The following SEPTIN4 variants were observed in gnomAD, a reference collection of about 807,000 sequenced individuals.
SEPTIN4 encodes septin-4.
Under a neutral mutation model 107.1 loss-of-function variants are expected in SEPTIN4, and 52 were observed. That is an observed-to-expected ratio of 0.49 (90% CI 0.39 to 0.61). SEPTIN4 has a LOEUF of 0.61. SEPTIN4 is among the 20% of genes least tolerant of loss of function. The pLI, the probability that SEPTIN4 is intolerant of heterozygous loss-of-function variation, is 0.00. For synonymous variants in SEPTIN4, 417 were observed against 467.0 expected (o/e 0.89, Z 1.38); for missense variants, 1,048 against 1,243.5 (o/e 0.84, Z 2.36).
At chr17:58,527,171 C>T (rs911706832) in intron 3 of SEPTIN4, 193 bp from the exon 4 acceptor site, 9 of 998,768 alleles carry the variant, frequency 9.0e-6, no homozygotes, top group Admixed American at 1.7e-5. Context: ...CACAAGCCTC[C>T]CCAATCCAAT....
intron 3 of SEPTIN4, among the ~76,000 whole-genome samples, chr17:58,536,830 A>G (rs1002508206): frequency 6.6e-6 from 1 of 152,302 alleles, no homozygotes; most frequent in African/African-American, 2.4e-5. Flanking sequence ...CTGGCTGAGC[A>G]CCTGTCAGGG....
At chr17:58,535,728 C>T (rs772487213) in intron 3 of SEPTIN4, among the ~76,000 whole-genome samples, 29 of 152,232 alleles carry the variant, frequency 1.9e-4, no homozygotes, top group Non-Finnish European at 4.1e-4. Flanking sequence ...ACCACAAGCT[C>T]CTCAAGGGCA....
chr17:58,535,767 C>T (rs2066682528), intron 3 of SEPTIN4, among the ~76,000 whole-genome samples: 1 of 152,236 alleles, frequency 6.6e-6, no homozygotes. Flanking sequence ...TTAACCTCTG[C>T]TCACTTCAAA....
chr17:58,530,925 G>A (rs1256592763), intron 3 of SEPTIN4: 1 of 152,286 alleles, frequency 6.6e-6, no homozygotes, highest in Non-Finnish European at 1.5e-5. Flanking sequence ...CTGATCCCAG[G>A]GGGCCCAGGG....
Position 58,521,954 on chromosome 17 carries a change from G to T in SEPTIN4, c.2351+13C>A. On this transcript the variant is annotated intron_variant, in intron 8 of 13. Coordinates refer to ENST00000672673, the MANE Select transcript of SEPTIN4 (RefSeq NM_001368771.2). This position sits in a 1 kb window ranked among gnomAD's most constrained non-coding sequence, Gnocchi z 6.4. ...CACCCGGTGGTGCCAGGAGCCTCAG[G>T]CTTGGACCATACCCATGGCCGAAGG... 1 of 1,614,220 alleles carries T rather than the reference G, an allele frequency of 6.2e-7. No individual in the cohort carries two copies. The highest frequency in any genetic ancestry group is 8.5e-7 in the Non-Finnish European group (1 of 1,180,052).
chr17:58,526,184 C>T, intron 5 of SEPTIN4, 36 bp downstream of exon 5: 17 of 1,544,064 alleles, frequency 1.1e-5, no homozygotes, highest in Non-Finnish European at 1.5e-5. Flanking sequence ...CCACCTGAAA[C>T]ACACCCTGCC....
intron 3 of SEPTIN4, chr17:58,527,794 A>G: frequency 1.0e-6 from 1 of 972,952 alleles, no homozygotes; most frequent in South Asian, 4.7e-5. Context: ...TGAGGGACAT[A>G]TAAGGGGAAG....
At position 58,538,638 on chromosome 17, in the gene SEPTIN4, A is replaced by G. The variant is rs2043794640; in HGVS notation, c.1614+2028T>C. Among the ~76,000 whole-genome samples the G allele has an allele frequency of 6.6e-6, 1 of 152,076 alleles. No individual in the cohort carries two copies. Among genetic ancestry groups the G allele is most frequent in the South Asian group, 2.1e-4 (1 of 4,822 alleles). Reference sequence around the variant, plus strand: ...GAGCTTTTGCTAGTTCTGATCCCCAAAAAAAACCCATCAGGAATGCTTCCC... The same window carrying G: ...GAGCTTTTGCTAGTTCTGATCCCCAGAAAAAACCCATCAGGAATGCTTCCC... On this transcript the variant is annotated intron_variant, in intron 3 of 13. Transcript: ENST00000672673. This position sits in a 1 kb window ranked among gnomAD's most constrained non-coding sequence, Gnocchi z 4.7.
At position 58,521,006 on chromosome 17, in the gene SEPTIN4, C is replaced by T; in HGVS notation, c.2823G>A (p.Arg941=). 1 of 1,614,080 alleles carries T rather than the reference C, an allele frequency of 6.2e-7. No individual in the cohort carries two copies. Among genetic ancestry groups the T allele is most frequent in the Non-Finnish European group, 8.5e-7 (1 of 1,180,006 alleles). ...QSMTRLVVKE[R]NRNKLTRESG... ...CTGGCTTCTGGTCATACTTGCGATT[C>T]CGTTCCTTCACCACCAGGCGGGTCA... The change falls in exon 12 of 14, where the codon CGG becomes CGA. Residue 941 remains arginine, a synonymous_variant. Coordinates refer to ENST00000672673, the MANE Select transcript of SEPTIN4 (RefSeq NM_001368771.2). The surrounding 1 kb of genome is among the most constrained non-coding windows in gnomAD (Gnocchi z 6.4).
In SEPTIN4 at chr17:58,520,414, G is replaced by A. The variant is rs759858107; in HGVS notation, c.*12C>T. 4.3e-5 allele frequency: 70 copies of A among 1,612,062 alleles called. No homozygotes were observed. Among genetic ancestry groups the A allele is most frequent in the Non-Finnish European group, 5.5e-5 (65 of 1,179,608 alleles). On this transcript the variant is annotated 3_prime_UTR_variant, in exon 14 of 14. Coordinates refer to ENST00000672673, the MANE Select transcript of SEPTIN4 (RefSeq NM_001368771.2). Reference sequence around the variant, plus strand: ...AGAGGAGGAGATTTAAATATCCAGGGCTGAAAGCCAGTTAATAGTTCTCCT... The same window carrying A: ...AGAGGAGGAGATTTAAATATCCAGGACTGAAAGCCAGTTAATAGTTCTCCT...
At chr17:58,533,827 T>C (rs1403441379) in intron 3 of SEPTIN4, among the ~76,000 whole-genome samples, 2 of 152,226 alleles carry the variant, frequency 1.3e-5, no homozygotes, top group Non-Finnish European at 1.5e-5. Flanking sequence ...CCAATACTCA[T>C]GTATGCACTC....
chr17:58,529,067 A>C (rs1305579098), intron 3 of SEPTIN4: 3 of 1,598,216 alleles, frequency 1.9e-6, no homozygotes, highest in African/African-American at 2.7e-5. Flanking sequence ...CAGCCAAGGC[A>C]GGGGGAAGAC....
chr17:58,535,969 C>T (rs1254011173), intron 3 of SEPTIN4, among the ~76,000 whole-genome samples: 1 of 152,218 alleles, frequency 6.6e-6, no homozygotes, highest in Admixed American at 6.5e-5. Flanking sequence ...CTCACAAGCT[C>T]ACACCCACCT....
chr17:58,539,643 G>A (rs2043823703), intron 3 of SEPTIN4, among the ~76,000 whole-genome samples: 1 of 152,160 alleles, frequency 6.6e-6, no homozygotes, highest in Non-Finnish European at 1.5e-5. Flanking sequence ...AGTTTCTCAA[G>A]GCCAAGGAAT....
chr17:58,529,109 C>A (rs1041611956), intron 3 of SEPTIN4: 3 of 1,614,188 alleles, frequency 1.9e-6, no homozygotes, highest in South Asian at 2.2e-5. Context: ...CAGAGCAGCA[C>A]CTTACCCCAG....
chr17:58,526,234 G>T lies in SEPTIN4; in HGVS notation c.1991C>A (p.Thr664Asn), dbSNP rs2144100409. Residue 664 changes from threonine to asparagine, a missense_variant, in exon 5 of 14, where the codon ACC (threonine) becomes AAC (asparagine). Transcript: ENST00000672673. ...RKSVKKGFDFTLMVAGESGLG... is the reference protein window; with the variant it reads ...RKSVKKGFDFNLMVAGESGLG... The stretch of plus-strand genomic sequence containing the variant: ...CCCTTTTTTACCTGCCACCATGAGG[G>T]TAAAGTCAAAGCCTTTCTTCACGGA... The T allele has an allele frequency of 6.2e-7, 1 of 1,600,216 alleles. No individual in the cohort carries two copies. Among genetic ancestry groups the T allele is most frequent in the South Asian group, 1.1e-5 (1 of 88,978 alleles).
chr17:58,524,940 C>T (rs2042681683), intron 7 of SEPTIN4, 138 bp downstream of exon 7: 1 of 1,037,360 alleles, frequency 9.6e-7, no homozygotes, highest in South Asian at 1.5e-5. Context: ...AGATGGCTGT[C>T]CAGTAAGGGA....
rs1192849937 is a variant in SEPTIN4 at position 58,543,675 on chromosome 17, T to A, written c.512A>T (p.Gln171Leu). ...GGATGGTGGGTCATCTTCTAAGATT[T>A]GTGATTGTAAGTTATTCTTCTGGTC... ...FQDQKNNLQS[Q>L]ILEDDPPSKV... Residue 171 changes from glutamine to leucine, a missense_variant, in exon 1 of 14, where the codon CAA becomes CTA. Transcript: ENST00000672673. The A allele has an allele frequency of 6.2e-7, 1 of 1,614,222 alleles. No homozygotes were observed. Among genetic ancestry groups the A allele is most frequent in the African/African-American group, 1.3e-5 (1 of 75,056 alleles).
intron 3 of SEPTIN4, among the ~76,000 whole-genome samples, chr17:58,536,669 C>T (rs892966227): frequency 1.3e-5 from 2 of 152,228 alleles, no homozygotes; most frequent in African/African-American, 4.8e-5. Flanking sequence ...TCAGGAACTG[C>T]CTCACATTCT....
Sources: allele counts gnomAD v4.1 joint callset (sites outside exome capture counted in the v4.1 genomes callset), GRCh38; gene constraint gnomAD v4.1.1; non-coding constraint Gnocchi (gnomAD v3.1); transcripts MANE v1.5; gene names NCBI Gene and HGNC (gene_info 2026-07-23, HGNC 2026-07-21).